The following NSMCE1 variants were observed in gnomAD, a reference collection of about 807,000 sequenced individuals.
NSMCE1 encodes the protein NSE1 component of SMC5/6 complex, also known as non-structural maintenance of chromosomes element 1 homolog.
Under a neutral mutation model 29.6 loss-of-function variants are expected in NSMCE1, and 18 were observed. That is an observed-to-expected ratio of 0.61 (90% CI 0.42 to 0.90). The LOEUF (loss-of-function observed/expected upper bound fraction) is 0.90, where lower values mean the gene tolerates loss of function less well. Ranked by LOEUF, NSMCE1 falls within the 40% of genes least tolerant of loss-of-function variation. The pLI is 0.00. For synonymous variants in NSMCE1, 124 were observed against 133.4 expected (o/e 0.93, Z 0.49); for missense variants, 314 against 343.6 (o/e 0.91, Z 0.68).
At chr16:27,229,793 G>C (rs1292089527) in intron 5 of NSMCE1, among the ~76,000 whole-genome samples, 1 of 152,088 alleles carries the variant, frequency 6.6e-6, no homozygotes, top group African/African-American at 2.4e-5. Context: ...CGGCCAGGCT[G>C]GTCTCAAACT....
intron 2 of NSMCE1, among the ~76,000 whole-genome samples, chr16:27,235,948 G>A (rs897231184): frequency 6.6e-6 from 1 of 152,222 alleles, no homozygotes; most frequent in East Asian, 1.9e-4. Context: ...CCCTCCAGCA[G>A]CTCTCTGGGC....
chr16:27,241,378 G>A (rs2083891765), intron 2 of NSMCE1: 2 of 152,386 alleles, frequency 1.3e-5, no homozygotes, highest in African/African-American at 4.8e-5. Context: ...CCGACAGACA[G>A]GGTGGACGGG....
chr16:27,257,101 C>G (rs1221981950), intron 2 of NSMCE1, among the ~76,000 whole-genome samples: 3 of 152,132 alleles, frequency 2.0e-5, no homozygotes, highest in African/African-American at 7.2e-5. Context: ...TTCCCTGAAC[C>G]ATGCACTTAC....
intron 2 of NSMCE1, chr16:27,241,955 C>A: frequency 1.1e-5 from 4 of 376,648 alleles, no homozygotes; most frequent in South Asian, 1.9e-5. Flanking sequence ...TAGCTGGATG[C>A]AATCACGAAA....
At chr16:27,244,677 C>T (rs1404472585) in intron 2 of NSMCE1, among the ~76,000 whole-genome samples, 1 of 152,258 alleles carries the variant, frequency 6.6e-6, no homozygotes, top group East Asian at 1.9e-4. Context: ...TGAACAGAGG[C>T]CCTGGCCAAA....
intron 2 of NSMCE1, among the ~76,000 whole-genome samples, chr16:27,237,843 A>G (rs2083842889): frequency 6.6e-6 from 1 of 152,046 alleles, no homozygotes. Context: ...TTCAGAAACC[A>G]TGAATGTTTT....
At chr16:27,257,761 GGTAA>G (rs2084104156) in intron 1 of NSMCE1, among the ~76,000 whole-genome samples, 180 bp from the exon 2 acceptor site, 1 of 152,080 alleles carries the variant, frequency 6.6e-6, no homozygotes, top group African/African-American at 2.4e-5. Flanking sequence ...ACTGGGCAGT[GGTAA>G]GAGGTGTGGA....
At chr16:27,241,957 A>G (rs2083900244) in intron 2 of NSMCE1, 1 of 381,062 alleles carries the variant, frequency 2.6e-6, no homozygotes, top group African/African-American at 2.1e-5. Flanking sequence ...GCTGGATGCA[A>G]TCACGAAAGG....
chr16:27,267,734 A>T (rs1325092664), intron 1 of NSMCE1, among the ~76,000 whole-genome samples: 1 of 147,822 alleles, frequency 6.8e-6, no homozygotes, highest in Admixed American at 6.7e-5. Flanking sequence ...AAATATATGC[A>T]TTTTTTTTTT....
intron 4 of NSMCE1, among the ~76,000 whole-genome samples, chr16:27,233,491 G>T (rs1202365018): frequency 6.6e-6 from 1 of 152,082 alleles, no homozygotes; most frequent in African/African-American, 2.4e-5. Flanking sequence ...GCACACGCAG[G>T]TGTGTGCTCA....
At chr16:27,249,672 G>C (rs2084001323) in intron 2 of NSMCE1, among the ~76,000 whole-genome samples, 1 of 152,210 alleles carries the variant, frequency 6.6e-6, no homozygotes, top group Non-Finnish European at 1.5e-5. Flanking sequence ...TGATAGGACA[G>C]CCATACAGTA....
At chr16:27,263,509 C>A (rs1168310476) in intron 1 of NSMCE1, among the ~76,000 whole-genome samples, 1 of 152,032 alleles carries the variant, frequency 6.6e-6, no homozygotes, top group Non-Finnish European at 1.5e-5. Flanking sequence ...CTTATGAACA[C>A]AAGGAAGGAA....
chr16:27,266,275 T>A (rs1361276611), intron 1 of NSMCE1: 1 of 152,106 alleles, frequency 6.6e-6, no homozygotes, highest in African/African-American at 2.4e-5. Flanking sequence ...TAAATGAGAA[T>A]GAGAACAGGA....
At chr16:27,267,390 C>T (rs1044934813) in intron 1 of NSMCE1, among the ~76,000 whole-genome samples, 5 of 152,176 alleles carry the variant, frequency 3.3e-5, no homozygotes, top group Non-Finnish European at 5.9e-5. Flanking sequence ...CAAAGGGTCA[C>T]TGACCCCATC....
intron 5 of NSMCE1, among the ~76,000 whole-genome samples, chr16:27,231,315 G>T (rs1183117220): frequency 6.6e-6 from 1 of 152,210 alleles, no homozygotes; most frequent in Non-Finnish European, 1.5e-5. Flanking sequence ...GACCAGCCAT[G>T]AAGAGGTCAT....
At chr16:27,233,737 C>A (rs557434979) in intron 4 of NSMCE1, among the ~76,000 whole-genome samples, 1 of 152,264 alleles carries the variant, frequency 6.6e-6, no homozygotes, top group South Asian at 2.1e-4. Flanking sequence ...CCTGGTAGAA[C>A]AGTACCTGTC....
intron 2 of NSMCE1, among the ~76,000 whole-genome samples, chr16:27,244,525 C>G (rs982386480): frequency 5.9e-5 from 9 of 152,204 alleles, no homozygotes; most frequent in African/African-American, 2.2e-4. Flanking sequence ...TTCTGTCCCC[C>G]ACTCCCCCAC....
intron 1 of NSMCE1, among the ~76,000 whole-genome samples, chr16:27,265,915 C>T (rs972886963): frequency 1.3e-5 from 2 of 152,048 alleles, no homozygotes; most frequent in Non-Finnish European, 2.9e-5. Flanking sequence ...ATATTCAGGG[C>T]GGTGGTTATC....
At chr16:27,248,098 A>T (rs2083976933) in intron 2 of NSMCE1, among the ~76,000 whole-genome samples, 1 of 152,200 alleles carries the variant, frequency 6.6e-6, no homozygotes, top group South Asian at 2.1e-4. Flanking sequence ...TCATCTGTTC[A>T]ACTGCAAATG....
Sources: gnomAD v4.1 joint callset for allele counts (sites outside exome capture counted in the v4.1 genomes callset) on GRCh38, gnomAD v4.1.1 for gene constraint, MANE v1.5 for transcripts, NCBI Gene and HGNC (gene_info 2026-07-23, HGNC 2026-07-21) for gene names.